DENND2B: variants seen among roughly 807,000 people sequenced by gnomAD.
DENND2B encodes the protein DENN domain-containing protein 2B.
In DENND2B, 32 loss-of-function variants were observed where a neutral mutation model predicts 116.0. That is an observed-to-expected ratio of 0.28 (90% CI 0.21 to 0.37). DENND2B has a LOEUF of 0.37. DENND2B is among the 10% of genes least tolerant of loss of function. The pLI, the probability that DENND2B is intolerant of heterozygous loss-of-function variation, is 1.00. For synonymous variants in DENND2B, 588 were observed against 583.9 expected (o/e 1.01, Z -0.10); for missense variants, 1,276 against 1,477.7 (o/e 0.86, Z 2.24).
At position 8,712,542 on chromosome 11, in the gene DENND2B, A is replaced by T. The variant is rs1349764997; in HGVS notation, c.2172+9T>A. ...AATATGGGCAAGGTGGGGAGAGAGA[A>T]GGCCTCACCTTGGGAAACTGGTAGG... On this transcript the variant is annotated intron_variant, in intron 9 of 19. Transcript: ENST00000313726. This position sits in a 1 kb window ranked among gnomAD's most constrained non-coding sequence, Gnocchi z 4.4. 1 of 1,549,534 alleles carries T rather than the reference A, an allele frequency of 6.5e-7. No individual in the cohort carries two copies.
rs548484829 is a variant in DENND2B at position 8,701,037 on chromosome 11, T to G, written c.2720+1535A>C. On this transcript the variant is annotated intron_variant, in intron 14 of 19. Transcript: ENST00000313726. The stretch of plus-strand genomic sequence containing the variant: ...CTCTTGACCTTGTGATCTGCCCACC[T>G]CGGCCTCCCAAAGTGCTGGGATTAC... Among the ~76,000 whole-genome samples the G allele has an allele frequency of 3.3e-5, 5 of 152,220 alleles. No homozygotes were observed. The South Asian group carries it at 1.0e-3, about 32-fold the overall frequency.
chr11:8,695,405 T>C (rs964239171), intron 19 of DENND2B, 58 bp downstream of exon 19: 2 of 1,509,636 alleles, frequency 1.3e-6, no homozygotes, highest in African/African-American at 2.7e-5. Context: ...GGAACACAAA[T>C]CTCCCAGCCC....
rs1242208890 is a variant in DENND2B, at chr11:8,783,238, G to C, written c.-26+27279C>G. Among the ~76,000 whole-genome samples the C allele has an allele frequency of 2.0e-5, 3 of 151,822 alleles. No individual in the cohort carries two copies. The East Asian group carries it at 5.8e-4, about 29-fold the overall frequency. On this transcript the variant is annotated intron_variant, in intron 1 of 19. Coordinates refer to ENST00000313726, the MANE Select transcript of DENND2B (RefSeq NM_213618.2). ...CCAGCTAATTTTTTACTTTTTTCTA[G>C]AAATAGCATCTCACTACGTTGCCCA...
intron 1 of DENND2B, chr11:8,808,031 C>T (rs2061031537): frequency 6.6e-6 from 1 of 152,364 alleles, no homozygotes; most frequent in Admixed American, 6.5e-5. Context: ...TTCCCCTGCT[C>T]TTCCATTCCT....
intron 1 of DENND2B, among the ~76,000 whole-genome samples, chr11:8,801,719 T>A (rs2060348557): frequency 7.1e-6 from 1 of 141,290 alleles, no homozygotes; most frequent in Non-Finnish European, 1.5e-5. Context: ...CAAACACTCC[T>A]GAGGCTGGGT....
chr11:8,753,108 AT>A (rs2052843470), intron 1 of DENND2B, among the ~76,000 whole-genome samples: 4 of 152,126 alleles, frequency 2.6e-5, no homozygotes, highest in Admixed American at 2.6e-4. Flanking sequence ...GTGGTGGTGC[AT>A]GCCTGTAATC....
chr11:8,909,670 T>G (rs2064289728), intron 1 of DENND2B: 1 of 152,142 alleles, frequency 6.6e-6, no homozygotes, highest in African/African-American at 2.4e-5. Context: ...TGTTATTCTT[T>G]TTTATAAGGG....
At chr11:8,839,165 G>A (rs1259528370) in intron 4 of DENND2B, 1 of 152,192 alleles carries the variant, frequency 6.6e-6, no homozygotes, top group African/African-American at 2.4e-5. Context: ...AGAATGAGAT[G>A]GAAGCCCTGG....
intron 1 of DENND2B, among the ~76,000 whole-genome samples, chr11:8,881,679 A>T (rs896322150): frequency 1.3e-5 from 2 of 152,032 alleles, no homozygotes; most frequent in African/African-American, 2.4e-5. Context: ...GGGATTAACA[A>T]GCGCCTGCCA....
At chr11:8,753,071 T>C (rs1225716047) in intron 1 of DENND2B, among the ~76,000 whole-genome samples, 1 of 152,126 alleles carries the variant, frequency 6.6e-6, no homozygotes, top group African/African-American at 2.4e-5. Context: ...ACCCCATCTC[T>C]ACTAAAGATA....
chr11:8,738,058 A>G (rs1322426473), intron 2 of DENND2B, among the ~76,000 whole-genome samples: 7 of 152,132 alleles, frequency 4.6e-5, no homozygotes, highest in Admixed American at 4.6e-4. Context: ...TTGTGACTGT[A>G]ATTGGAATGA....
In DENND2B at chr11:8,702,895, T is replaced by C; in HGVS notation, c.2572-175A>G. Reference sequence around the variant, plus strand: ...TCCATCCCTCGGACTACAGCTCTGCTCTCGTAGCACTCGAACACCCAGCCT... The same window carrying C: ...TCCATCCCTCGGACTACAGCTCTGCCCTCGTAGCACTCGAACACCCAGCCT... On this transcript the variant is annotated intron_variant, in intron 13 of 19. Transcript: ENST00000313726. This position sits in a 1 kb window ranked among gnomAD's most constrained non-coding sequence, Gnocchi z 4.6. 1.3e-6 allele frequency: 1 copy of C among 787,044 alleles called. No homozygotes were observed. The highest frequency in any genetic ancestry group is 3.0e-5 in the Admixed American group (1 of 33,540). The allele number at this position is 787,044 out of a possible 1,614,324, so 48.8% of individuals were successfully genotyped here. A position where few individuals can be genotyped will look rare whatever the true frequency, so the allele number is the denominator to read the frequency against.
intron 2 of DENND2B, among the ~76,000 whole-genome samples, chr11:8,863,536 C>G (rs2063479486): frequency 6.6e-6 from 1 of 152,166 alleles, no homozygotes; most frequent in South Asian, 2.1e-4. Flanking sequence ...CCCGGCCTGC[C>G]TCTTACGCCA....
chr11:8,901,229 C>CTTTTCTTTTCTTTTTTT (rs781408078), intron 1 of DENND2B, among the ~76,000 whole-genome samples: 54 of 83,920 alleles, frequency 6.4e-4, no homozygotes, highest in Non-Finnish European at 8.8e-4. Flanking sequence ...CTTTTCTTTT[C>CTTTTCTTTTCTTTTTTT]TTTTTTTTTT....
chr11:8,784,883 G>C (rs1237518723), intron 1 of DENND2B, among the ~76,000 whole-genome samples: 5 of 151,916 alleles, frequency 3.3e-5, no homozygotes, highest in Non-Finnish European at 7.4e-5. Flanking sequence ...AAAGTGGGCT[G>C]GTAAGCCAGC....
intron 3 of DENND2B, among the ~76,000 whole-genome samples, chr11:8,842,913 C>T (rs1416568288): frequency 6.6e-6 from 1 of 152,096 alleles, no homozygotes; most frequent in Admixed American, 6.5e-5. Context: ...ATGTTTAGGA[C>T]TCTGTAAAGG....
chr11:8,784,387 A>C (rs1412010291), intron 1 of DENND2B, among the ~76,000 whole-genome samples: 1 of 151,200 alleles, frequency 6.6e-6, no homozygotes, highest in Non-Finnish European at 1.5e-5. Context: ...TGACTGTGCC[A>C]CTGTACTCCA....
intron 16 of DENND2B, 79 bp from the exon 17 acceptor site, chr11:8,697,715 G>A (rs75105504): frequency 0.029 from 26,000 of 905,268 alleles, 508 homozygotes; most frequent in Non-Finnish European, 0.037. Flanking sequence ...TTAGAAGAGC[G>A]TGAGTAGATA....
chr11:8,711,505 C>T (rs2043676520), intron 9 of DENND2B, among the ~76,000 whole-genome samples: 1 of 152,080 alleles, frequency 6.6e-6, no homozygotes, highest in African/African-American at 2.4e-5. Context: ...AGGTCCCCGA[C>T]CTTACACATT....
Sources: allele counts gnomAD v4.1 joint callset (sites outside exome capture counted in the v4.1 genomes callset), GRCh38; gene constraint gnomAD v4.1.1; non-coding constraint Gnocchi (gnomAD v3.1); transcripts MANE v1.5; gene names NCBI Gene and HGNC (gene_info 2026-07-23, HGNC 2026-07-21).